MGAT5: variants seen among roughly 807,000 people sequenced by gnomAD.
The protein encoded by MGAT5 is alpha-1,6-mannosylglycoprotein 6-beta-N-acetylglucosaminyltransferase A.
MGAT5 carries 30 observed loss-of-function variants against 94.3 expected under a neutral mutation model. The observed-to-expected ratio is 0.32, with a 90% confidence interval of 0.24 to 0.43. MGAT5 has a LOEUF of 0.43. Among genes scored for constraint, MGAT5 ranks in the 20% least tolerant of loss-of-function variants. The pLI is 1.00. For synonymous variants in MGAT5, 310 were observed against 322.9 expected, an observed-to-expected ratio of 0.96 and a Z score of 0.43; for missense variants, 691 against 905.5, an observed-to-expected ratio of 0.76 and a Z score of 3.04.
intron 1 of MGAT5, among the ~76,000 whole-genome samples, chr2:134,183,025 C>T (rs950935438): frequency 2.0e-5 from 3 of 151,988 alleles, no homozygotes; most frequent in Non-Finnish European, 2.9e-5. Context: ...CTCCTGACCT[C>T]GTGATCCACC....
At chr2:134,316,750 T>G (rs1240948266) in intron 2 of MGAT5, among the ~76,000 whole-genome samples, 1 of 152,150 alleles carries the variant, frequency 6.6e-6, no homozygotes, top group African/African-American at 2.4e-5. Flanking sequence ...CACTGTAGGA[T>G]GACTCTAGTT....
At chr2:134,424,627 G>A (rs185134347) in intron 13 of MGAT5, among the ~76,000 whole-genome samples, 88 of 152,298 alleles carry the variant, frequency 5.8e-4, no homozygotes, top group Admixed American at 2.0e-3. Context: ...CTTAGTATAT[G>A]AGCTTCCTAG....
chr2:134,310,395 G>A (rs1044926773), intron 2 of MGAT5, among the ~76,000 whole-genome samples: 1 of 152,164 alleles, frequency 6.6e-6, no homozygotes, highest in Non-Finnish European at 1.5e-5. Context: ...CATCTCACTA[G>A]GCCTTACTGT....
intron 1 of MGAT5, among the ~76,000 whole-genome samples, chr2:134,182,872 C>T (rs1260652746): frequency 8.6e-5 from 13 of 150,322 alleles, no homozygotes; most frequent in African/African-American, 2.7e-4. Flanking sequence ...CTGCAAGCTC[C>T]GCCTCCAGGG....
intron 1 of MGAT5, among the ~76,000 whole-genome samples, chr2:134,216,630 G>A (rs1051177892): frequency 2.6e-5 from 4 of 152,250 alleles, no homozygotes; most frequent in African/African-American, 9.6e-5. Flanking sequence ...GTGTGATGGC[G>A]AAATGTGATT....
intron 1 of MGAT5, among the ~76,000 whole-genome samples, chr2:134,136,986 T>A (rs1686438388): frequency 6.6e-6 from 1 of 152,208 alleles, no homozygotes; most frequent in South Asian, 2.1e-4. Context: ...GCCATATCTG[T>A]CACTACAAGG....
intron 2 of MGAT5, among the ~76,000 whole-genome samples, chr2:134,307,873 C>CT (rs1686424230): frequency 6.6e-6 from 1 of 152,094 alleles, no homozygotes; most frequent in African/African-American, 2.4e-5. Flanking sequence ...TTTAGAATCA[C>CT]TTGAGGTTGG....
Position 134,155,895 on chromosome 2 carries a change from C to T in MGAT5, c.-143+35604C>T, listed in dbSNP as rs114583152. 4.9e-3 allele frequency among the ~76,000 whole-genome samples: 744 copies of T among 152,148 alleles called. 2 individuals carry two copies. Among genetic ancestry groups the T allele is most frequent in the African/African-American group, 0.016 (658 of 41,496 alleles). On this transcript the variant is annotated intron_variant, in intron 1 of 16. Coordinates refer to the MGAT5 transcript ENST00000409645. ...TCTGCACTTAAATGTCCTTTCCTTC[C>T]GCAGGGAGGCCTCCCTGGACCCCTC...
intron 11 of MGAT5, among the ~76,000 whole-genome samples, chr2:134,405,969 T>C (rs1310148548): frequency 6.6e-6 from 1 of 152,198 alleles, no homozygotes; most frequent in Non-Finnish European, 1.5e-5. Flanking sequence ...AGCAGATCCT[T>C]CTAATTGGGG....
rs897569456 is a variant in MGAT5 at position 134,237,458 on chromosome 2, G to A, written c.-142-16804G>A. Among the ~76,000 whole-genome samples the A allele has an allele frequency of 5.3e-5, 8 of 152,240 alleles. No individual in the cohort carries two copies. In the East Asian group the frequency reaches 1.5e-3, roughly 29 times the overall value. On this transcript the variant is annotated intron_variant, in intron 1 of 16. Transcript: ENST00000409645. ...CTGCAATGACAAAAGCAGTACTGGGGGAGGAGGATAAAGGAGAAACTGCTT... is the reference window on the plus strand; with the variant it reads ...CTGCAATGACAAAAGCAGTACTGGGAGAGGAGGATAAAGGAGAAACTGCTT...
At chr2:134,159,193 G>GTGTGTA (rs1352159008) in intron 1 of MGAT5, among the ~76,000 whole-genome samples, 1 of 133,474 alleles carries the variant, frequency 7.5e-6, no homozygotes, top group Non-Finnish European at 1.6e-5. Context: ...AAATTCGTGT[G>GTGTGTA]TGTGTGTGTG....
intron 2 of MGAT5, among the ~76,000 whole-genome samples, chr2:134,309,160 T>C (rs921868314): frequency 6.6e-6 from 1 of 152,236 alleles, no homozygotes; most frequent in South Asian, 2.1e-4. Context: ...AGCACCTCAT[T>C]CCTTTTAATG....
At chr2:134,279,520 G>A (rs1684570936) in intron 2 of MGAT5, among the ~76,000 whole-genome samples, 1 of 152,162 alleles carries the variant, frequency 6.6e-6, no homozygotes, top group South Asian at 2.1e-4. Context: ...GACCCTTCAA[G>A]GAATACATGG....
At chr2:134,405,516 G>A (rs932767892) in intron 11 of MGAT5, among the ~76,000 whole-genome samples, 1 of 152,198 alleles carries the variant, frequency 6.6e-6, no homozygotes, top group African/African-American at 2.4e-5. Flanking sequence ...GACCAGTCAG[G>A]CTTCGCATCT....
chr2:134,276,157 C>T (rs553916468), intron 2 of MGAT5, among the ~76,000 whole-genome samples: 2 of 149,256 alleles, frequency 1.3e-5, no homozygotes, highest in Non-Finnish European at 1.5e-5. Context: ...GTTCACAAGC[C>T]CCCCCACCCC....
chr2:134,193,054 A>G (rs1679304985), intron 1 of MGAT5, among the ~76,000 whole-genome samples: 1 of 152,090 alleles, frequency 6.6e-6, no homozygotes, highest in Non-Finnish European at 1.5e-5. Context: ...AGAAAAAAAC[A>G]GTAATTTCAC....
At chr2:134,325,073 G>A (rs1687562602) in intron 4 of MGAT5, among the ~76,000 whole-genome samples, 1 of 151,348 alleles carries the variant, frequency 6.6e-6, no homozygotes, top group African/African-American at 2.4e-5. Context: ...TGATCTGTTA[G>A]TTTCTCCCTT....
At chr2:134,288,549 ATGTT>A (rs922337606) in intron 2 of MGAT5, among the ~76,000 whole-genome samples, 3 of 151,996 alleles carry the variant, frequency 2.0e-5, no homozygotes, top group East Asian at 3.8e-4. Flanking sequence ...CCTGAAGTAG[ATGTT>A]TGTTTGTTTG....
At chr2:134,146,496 G>A (rs1044035261) in intron 1 of MGAT5, among the ~76,000 whole-genome samples, 3 of 151,814 alleles carry the variant, frequency 2.0e-5, no homozygotes, top group East Asian at 1.9e-4. Context: ...GGAGGTTGAG[G>A]CTGCAGTGAG....
Sources: gnomAD v4.1 joint callset for allele counts (sites outside exome capture counted in the v4.1 genomes callset) on GRCh38, gnomAD v4.1.1 for gene constraint, MANE v1.5 for transcripts, NCBI Gene and HGNC (gene_info 2026-07-23, HGNC 2026-07-21) for gene names.